The following NTN1 variants were observed in gnomAD, a reference collection of about 807,000 sequenced individuals.
The protein encoded by NTN1 is netrin 1, also known as netrin-1.
NTN1 carries 11 observed loss-of-function variants against 54.2 expected under a neutral mutation model. That is an observed-to-expected ratio of 0.20 (90% CI 0.13 to 0.34). The LOEUF is 0.34. Ranked by LOEUF, NTN1 falls within the 10% of genes least tolerant of loss-of-function variation. NTN1 has a pLI of 1.00. For synonymous variants in NTN1, 371 were observed against 382.0 expected, an observed-to-expected ratio of 0.97 and a Z score of 0.33; for missense variants, 740 against 893.1, an observed-to-expected ratio of 0.83 and a Z score of 2.18.
chr17:9,022,546 C>A lies in NTN1; in HGVS notation c.173C>A (p.Ala58Glu), dbSNP rs530015851. The change falls in exon 2 of 7, where the codon GCG becomes GAG. Residue 58 changes from alanine (A) to glutamate (E), a missense_variant. By Grantham distance (107) the Ala-to-Glu change is moderately radical. Transcript: ENST00000173229. ...PRRCIPDFVN[A>E]AFGKDVRVSS... ...CGCTGCATCCCGGACTTTGTCAATG[C>A]GGCCTTCGGCAAGGACGTGCGCGTG... is the stretch of plus-strand genomic sequence containing the variant. The A allele has an allele frequency of 3.9e-6, 6 of 1,550,060 alleles. No individual in the cohort carries two copies. Among genetic ancestry groups the A allele is most frequent in the South Asian group, 1.2e-5 (1 of 84,442 alleles).
the NTN1 span, among the ~76,000 whole-genome samples, chr17:9,005,343 G>C: frequency 6.6e-6 from 1 of 152,160 alleles, no homozygotes; most frequent in African/African-American, 2.4e-5. Flanking sequence ...CAGCTAATTA[G>C]AGGGCTTGAG....
chr17:9,211,938 C>T lies in NTN1; in HGVS notation c.1412-9230C>T, dbSNP rs1032134526. Reference sequence around the variant, plus strand: ...CACCAGTCCTTGGCTTCCTGTGTTACAAACATTTTGGGCTTGCTTCTAGAC... The same window carrying T: ...CACCAGTCCTTGGCTTCCTGTGTTATAAACATTTTGGGCTTGCTTCTAGAC... On this transcript the variant is annotated intron_variant, in intron 5 of 6. Coordinates refer to ENST00000173229, the MANE Select transcript of NTN1 (RefSeq NM_004822.3). The surrounding 1 kb of genome is among the most constrained non-coding windows in gnomAD (Gnocchi z 4.4). Among the ~76,000 whole-genome samples, 2 of 152,198 alleles carry T rather than the reference C, an allele frequency of 1.3e-5. No individual in the cohort carries two copies. The highest frequency in any genetic ancestry group is 2.4e-5 in the African/African-American group (1 of 41,440).
chr17:9,072,905 C>T (rs1487214327), intron 2 of NTN1, among the ~76,000 whole-genome samples: 4 of 152,178 alleles, frequency 2.6e-5, no homozygotes, highest in Non-Finnish European at 4.4e-5. Context: ...TCTGGCAATC[C>T]GGAATGGGAC....
rs1334604416 is a variant in NTN1 at position 9,243,007 on chromosome 17, C to G, written c.*3039C>G. ...GGTGTTTGTTTGAAGAAAAACATAC[C>G]AGATTAGTCTTTGTTTTTGAAACAG... is the stretch of plus-strand genomic sequence containing the variant. On this transcript the variant is annotated 3_prime_UTR_variant, in exon 7 of 7. Transcript: ENST00000173229. 1 of 152,236 alleles carries G rather than the reference C, an allele frequency of 6.6e-6. No homozygotes were observed. The highest frequency in any genetic ancestry group is 1.5e-5 in the Non-Finnish European group (1 of 68,038). The allele number at this position is 152,236 out of a possible 1,614,324, so 9.4% of individuals were successfully genotyped here.
chr17:9,116,250 G>A (rs958358410), intron 2 of NTN1, among the ~76,000 whole-genome samples: 2 of 152,200 alleles, frequency 1.3e-5, no homozygotes, highest in Non-Finnish European at 2.9e-5. Context: ...CGGCATGGTG[G>A]GGTAGGCAGA....
chr17:9,014,862 C>G, the NTN1 span, among the ~76,000 whole-genome samples: 1 of 152,232 alleles, frequency 6.6e-6, no homozygotes, highest in South Asian at 2.1e-4. Flanking sequence ...TCAAGCCCAT[C>G]TTACCCACAG....
At chr17:9,045,004 C>T (rs1424169027) in intron 2 of NTN1, among the ~76,000 whole-genome samples, 2 of 152,194 alleles carry the variant, frequency 1.3e-5, no homozygotes, top group South Asian at 2.1e-4. Context: ...ACCCCGGCCT[C>T]GGACTCCTCC....
chr17:9,108,222 C>T (rs1326225247), intron 2 of NTN1, among the ~76,000 whole-genome samples: 1 of 152,136 alleles, frequency 6.6e-6, no homozygotes, highest in Non-Finnish European at 1.5e-5. Context: ...GGAACAAACT[C>T]CCCAACCTGC....
At chr17:9,236,801 C>T (rs1034029140) in intron 6 of NTN1, among the ~76,000 whole-genome samples, 13 of 152,224 alleles carry the variant, frequency 8.5e-5, no homozygotes, top group African/African-American at 2.7e-4. Context: ...CCTTCAGGAC[C>T]GTGTGGCAGT....
intron 2 of NTN1, among the ~76,000 whole-genome samples, chr17:9,128,813 A>G (rs2092255108): frequency 6.6e-6 from 1 of 152,188 alleles, no homozygotes; most frequent in Admixed American, 6.5e-5. Flanking sequence ...TGTGGCAAAA[A>G]TCAGAATCTT....
At chr17:9,192,701 G>C (rs1324808093) in intron 5 of NTN1, among the ~76,000 whole-genome samples, 2 of 152,186 alleles carry the variant, frequency 1.3e-5, no homozygotes, top group African/African-American at 4.8e-5. Flanking sequence ...AAGCATTAAG[G>C]AGAGCTGGGG....
At chr17:9,007,380 C>T in the NTN1 span, among the ~76,000 whole-genome samples, 87 of 145,276 alleles carry the variant, frequency 6.0e-4, 1 homozygote, top group African/African-American at 2.1e-3. Flanking sequence ...TTCCTTCCTT[C>T]CTTGTCTTTC....
intron 2 of NTN1, among the ~76,000 whole-genome samples, chr17:9,131,959 C>A (rs1200256185): frequency 6.6e-6 from 1 of 150,966 alleles, no homozygotes; most frequent in Non-Finnish European, 1.5e-5. Context: ...CCCGCAACCA[C>A]GCCCGGCTAA....
chr17:9,018,807 G>A (rs778569523), upstream of NTN1, among the ~76,000 whole-genome samples: 3 of 152,060 alleles, frequency 2.0e-5, no homozygotes, highest in Non-Finnish European at 4.4e-5. Flanking sequence ...GGGTTTTGAT[G>A]CGATGCCATC....
intron 6 of NTN1, among the ~76,000 whole-genome samples, chr17:9,230,096 C>T (rs1469098326): frequency 3.3e-5 from 5 of 152,138 alleles, no homozygotes; most frequent in African/African-American, 1.2e-4. Flanking sequence ...CTCTCCTTTT[C>T]TTGACCTTGG....
At chr17:9,187,827 T>A (rs1384725983) in intron 5 of NTN1, among the ~76,000 whole-genome samples, 1 of 142,422 alleles carries the variant, frequency 7.0e-6, no homozygotes. Flanking sequence ...TAAGACCACA[T>A]CTCAAAAAAA....
chr17:9,159,480 A>C (rs1283576274), intron 2 of NTN1, among the ~76,000 whole-genome samples: 1 of 152,198 alleles, frequency 6.6e-6, no homozygotes, highest in Non-Finnish European at 1.5e-5. Flanking sequence ...TCTTGAGGGC[A>C]GTTTGGCAAT....
At chr17:9,066,791 G>A (rs2142212048) in intron 2 of NTN1, among the ~76,000 whole-genome samples, 1 of 152,172 alleles carries the variant, frequency 6.6e-6, no homozygotes, top group South Asian at 2.1e-4. Context: ...CCTGAGGTCA[G>A]GAGTTCCAGA....
chr17:9,182,224 C>CTA (rs2092420509), intron 4 of NTN1, among the ~76,000 whole-genome samples: 1 of 125,594 alleles, frequency 8.0e-6, no homozygotes, highest in South Asian at 2.9e-4. Context: ...AGCCATCCTC[C>CTA]CCAAACGTGT....
Sources: allele counts gnomAD v4.1 joint callset (sites outside exome capture counted in the v4.1 genomes callset), GRCh38; gene constraint gnomAD v4.1.1; non-coding constraint Gnocchi (gnomAD v3.1); transcripts MANE v1.5; gene names NCBI Gene and HGNC (gene_info 2026-07-23, HGNC 2026-07-21).